GFUS: variants seen among roughly 807,000 people sequenced by gnomAD.
The protein encoded by GFUS is 3-5 epimerase/4-reductase.
A neutral mutation model predicts 41.5 loss-of-function variants in GFUS; 42 were observed. The observed-to-expected ratio is 1.01, with a 90% CI of 0.79 to 1.31. The LOEUF (loss-of-function observed/expected upper bound fraction) is 1.31. Ranked by LOEUF, GFUS falls within the 50% of genes most tolerant of loss-of-function variation. The pLI is 0.00. For synonymous variants in GFUS, 188 were observed against 173.4 expected, an observed-to-expected ratio of 1.08 and a Z score of -0.66; for missense variants, 437 against 428.7, an observed-to-expected ratio of 1.02 and a Z score of -0.17.
At chr8:143,616,441 C>G in intron 2 of GFUS, 126 bp downstream of exon 2, 1 of 1,477,930 alleles carries the variant, frequency 6.8e-7, no homozygotes, top group South Asian at 1.2e-5. Context: ...GGCCAGCCAC[C>G]TGGCAGGAAG....
intron 1 of GFUS, 156 bp from the exon 2 acceptor site, chr8:143,616,879 G>T: frequency 1.2e-6 from 1 of 845,910 alleles, no homozygotes; most frequent in Non-Finnish European, 1.8e-6. Flanking sequence ...CTCCCTCGTC[G>T]CAGCCCTGTT....
Position 143,613,315 on chromosome 8 carries a change from C to T in GFUS, c.811-20G>A, listed in dbSNP as rs769230899. On this transcript the variant is annotated intron_variant, in intron 9 of 10. Coordinates refer to ENST00000425753, the MANE Select transcript of GFUS (RefSeq NM_003313.4). ...ATCAAACTGGAGGCTTTGTCAAGGC[C>T]ACAGCGAGAAGAGCACCTCCACCCC... 3.7e-6 allele frequency: 6 copies of T among 1,611,432 alleles called. No homozygotes were observed. The highest frequency in any genetic ancestry group is 4.5e-5 in the East Asian group (2 of 44,872).
At position 143,616,097 on chromosome 8, in the gene GFUS, C is replaced by G. The variant is rs1322451581; in HGVS notation, c.261+9G>C. 6.4e-7 allele frequency: 1 copy of G among 1,561,888 alleles called. No homozygotes were observed. Among genetic ancestry groups the G allele is most frequent in the Admixed American group, 1.8e-5 (1 of 55,072 alleles). Reference sequence around the variant, plus strand: ...GTTTCCAGTGCTTGCTGGGGCCACCCTCACTTACCCAGAAGTCCAAATTGT... The same window carrying G: ...GTTTCCAGTGCTTGCTGGGGCCACCGTCACTTACCCAGAAGTCCAAATTGT... On this transcript the variant is annotated intron_variant, in intron 3 of 10. Transcript: ENST00000425753.
chr8:143,613,337 C>T, intron 9 of GFUS, 42 bp from the exon 10 acceptor site: 1 of 1,583,482 alleles, frequency 6.3e-7, no homozygotes, highest in Non-Finnish European at 8.7e-7. Context: ...AGCACCTCCA[C>T]CCCAGCCCCC....
intron 2 of GFUS, 131 bp downstream of exon 2, chr8:143,616,436 G>C: frequency 7.0e-7 from 1 of 1,436,078 alleles, no homozygotes; most frequent in Non-Finnish European, 9.7e-7. Context: ...GGCCAGGCCA[G>C]CCACCTGGCA....
rs1353088746 is a variant in GFUS at position 143,613,303 on chromosome 8, C to T, written c.811-8G>A. ...CGACTTGGTTGTATCAAACTGGAGG[C>T]TTTGTCAAGGCCACAGCGAGAAGAG... On this transcript the variant is annotated splice_polypyrimidine_tract_variant and splice_region_variant and intron_variant, in intron 9 of 10. Coordinates refer to ENST00000425753, the MANE Select transcript of GFUS (RefSeq NM_003313.4). 6.2e-7 allele frequency: 1 copy of T among 1,613,662 alleles called. No individual in the cohort carries two copies. The highest frequency in any genetic ancestry group is 2.2e-5 in the East Asian group (1 of 44,888).
In GFUS at chr8:143,612,745, A is replaced by C; in HGVS notation, c.*165T>G. Reference sequence around the variant, plus strand: ...GGGACCCTGGTTTCCCTGAGGACCAACGTGAATGGGGGCCCCACTGGAAAG... The same window carrying C: ...GGGACCCTGGTTTCCCTGAGGACCACCGTGAATGGGGGCCCCACTGGAAAG... On this transcript the variant is annotated 3_prime_UTR_variant, in exon 11 of 11. Transcript: ENST00000425753. 2 of 836,430 alleles carry C rather than the reference A, an allele frequency of 2.4e-6. No individual in the cohort carries two copies. The allele number at this position is 836,430 out of a possible 1,614,324, so 51.8% of individuals were successfully genotyped here. A position where few individuals can be genotyped will look rare whatever the true frequency, so the allele number is the denominator to read the frequency against.
intron 1 of GFUS, 132 bp from the exon 2 acceptor site, chr8:143,616,855 G>C: frequency 9.1e-7 from 1 of 1,097,324 alleles, no homozygotes; most frequent in Admixed American, 2.1e-5. Context: ...GAAAGACCCA[G>C]CTGGACCGAG....
Position 143,613,561 on chromosome 8 carries a change from G to C in GFUS, c.773C>G (p.Ala258Gly), listed in dbSNP as rs368114593. Reference protein sequence around the residue: ...DEVSIKEAAEAVVEAMDFHGE... With the variant: ...DEVSIKEAAEGVVEAMDFHGE... The stretch of plus-strand genomic sequence containing the variant: ...ATGGAAGTCCATGGCCTCCACCACC[G>C]CCTCGGCTGCCTCCTTGATGGAGAC... Residue 258 changes from alanine (A) to glycine (G), a missense_variant, in exon 9 of 11, where the codon GCG becomes GGG. Transcript: ENST00000425753. The C allele has an allele frequency of 1.9e-6, 3 of 1,611,202 alleles. No homozygotes were observed. The highest frequency in any genetic ancestry group is 2.2e-5 in the South Asian group (2 of 91,028).
intron 2 of GFUS, 145 bp downstream of exon 2, chr8:143,616,422 C>CCCAGG (rs2131417653): frequency 7.4e-7 from 1 of 1,349,506 alleles, no homozygotes; most frequent in East Asian, 2.3e-5. Flanking sequence ...GCCAAGCACA[C>CCCAGG]CCAGGCCAGG....
At chr8:143,616,745 G>A (rs765776679) in intron 1 of GFUS, 22 bp from the exon 2 acceptor site, 44 of 1,613,170 alleles carry the variant, frequency 2.7e-5, no homozygotes, top group Non-Finnish European at 3.6e-5. Flanking sequence ...AACAGTGGGA[G>A]GCTGAGGTCA....
At chr8:143,613,003 G>T (rs761760829) in intron 10 of GFUS, 38 bp from the exon 11 acceptor site, 2 of 1,601,262 alleles carry the variant, frequency 1.2e-6, no homozygotes, top group South Asian at 2.2e-5. Context: ...GGACAGGGAG[G>T]GTCGGGGCCG....
At chr8:143,616,342 G>C in intron 2 of GFUS, 122 bp from the exon 3 acceptor site, 2 of 1,184,460 alleles carry the variant, frequency 1.7e-6, no homozygotes, top group Non-Finnish European at 2.5e-6. Context: ...GGTGGCCCCA[G>C]GGCCTGGCTG....
At chr8:143,616,796 C>T in intron 1 of GFUS, 73 bp from the exon 2 acceptor site, 5 of 1,574,608 alleles carry the variant, frequency 3.2e-6, no homozygotes, top group Non-Finnish European at 4.3e-6. Flanking sequence ...TCTGTGGCAA[C>T]TGGCACAGAG....
intron 2 of GFUS, 128 bp downstream of exon 2, chr8:143,616,439 A>C (rs750537172): frequency 1.4e-6 from 2 of 1,447,136 alleles, no homozygotes; most frequent in African/African-American, 2.8e-5. Context: ...CAGGCCAGCC[A>C]CCTGGCAGGA....
rs1448521707 is a variant in GFUS at position 143,613,285 on chromosome 8, G to C, written c.821C>G (p.Thr274Ser). ...CTTCTTAAACTGCCCATCCGACTTGGTTGTATCAAACTGGAGGCTTTGTCA... is the reference window on the plus strand; with the variant it reads ...CTTCTTAAACTGCCCATCCGACTTGCTTGTATCAAACTGGAGGCTTTGTCA... ...DFHGEVTFDT[T>S]KSDGQFKKTA... The change falls in exon 10 of 11, where the codon ACC (threonine) becomes AGC (serine). Residue 274 changes from threonine (T) to serine (S), a missense_variant. Thr to Ser is a moderately conservative substitution (Grantham distance 58). Coordinates refer to ENST00000425753, the MANE Select transcript of GFUS (RefSeq NM_003313.4). 6.2e-7 allele frequency: 1 copy of C among 1,614,054 alleles called. No homozygotes were observed. The highest frequency in any genetic ancestry group is 1.7e-5 in the Admixed American group (1 of 60,022).
chr8:143,613,894 T>C (rs1282370784), intron 7 of GFUS, 77 bp from the exon 8 acceptor site: 4 of 1,458,036 alleles, frequency 2.7e-6, no homozygotes, highest in Admixed American at 2.0e-5. Flanking sequence ...GGGGAGTCCA[T>C]ACTGCTGTCC....
chr8:143,613,520 A>T lies in GFUS; in HGVS notation c.810+4T>A, dbSNP rs1332176624. On this transcript the variant is annotated splice_donor_region_variant and intron_variant, in intron 9 of 10. Transcript: ENST00000425753. ...CAACCCCCAGCACTGGAGCCAGAGG[A>T]TACGGTGACTTCCCCATGGAAGTCC... 6.2e-7 allele frequency: 1 copy of T among 1,610,440 alleles called. No homozygotes were observed. Among genetic ancestry groups the T allele is most frequent in the East Asian group, 2.2e-5 (1 of 44,834 alleles).
At position 143,613,744 on chromosome 8, in the gene GFUS, T is replaced by A. The variant is rs1563685884; in HGVS notation, c.730+7A>T. 6.4e-7 allele frequency: 1 copy of A among 1,551,622 alleles called. No homozygotes were observed. The highest frequency in any genetic ancestry group is 1.2e-5 in the South Asian group (1 of 84,200). On this transcript the variant is annotated splice_region_variant and intron_variant, in intron 8 of 10. Coordinates refer to ENST00000425753, the MANE Select transcript of GFUS (RefSeq NM_003313.4). ...GGAGGAAGGGGGCTGAGGGCTGAGG[T>A]ACCCACCGGAGAGGATGATGGGCTC...
Sources: allele counts gnomAD v4.1 joint callset, GRCh38; gene constraint gnomAD v4.1.1; transcripts MANE v1.5; gene names NCBI Gene and HGNC (gene_info 2026-07-23, HGNC 2026-07-21).